The following LRRIQ3 variants were observed in gnomAD, a reference collection of about 807,000 sequenced individuals.
The protein encoded by LRRIQ3 is leucine-rich repeat and IQ domain-containing protein 3.
In LRRIQ3, 75 loss-of-function variants were observed where a neutral mutation model predicts 59.3. The ratio of observed to expected loss-of-function variants is 1.26; its 90% CI spans 1.05 to 1.53. The LOEUF (loss-of-function observed/expected upper bound fraction) is 1.53, where lower values mean the gene tolerates loss of function less well. Ranked by LOEUF, LRRIQ3 falls within the 40% of genes most tolerant of loss-of-function variation. The pLI is 0.00. For synonymous variants in LRRIQ3, 250 were observed against 231.3 expected (o/e 1.08, Z -0.73); for missense variants, 831 against 710.0 (o/e 1.17, Z -1.94).
At position 74,183,528 on chromosome 1, in the gene LRRIQ3, TAAGA is replaced by T. The variant is rs772455055; in HGVS notation, c.153_156del (p.Leu52GlufsTer20). ...AAATTGTTTGAGAAGATGCATACTCTAAGAGAGATGCAAGACTGCAAATTTTCCA... is the reference window on the plus strand; with the variant it reads ...AAATTGTTTGAGAAGATGCATACTCTGAGATGCAAGACTGCAAATTTTCCA... On this transcript the variant is annotated frameshift_variant, in exon 2 of 8. Coordinates refer to ENST00000354431, the MANE Select transcript of LRRIQ3 (RefSeq NM_001105659.2). LOFTEE classifies it high-confidence loss of function. 12 of 1,611,962 alleles carry T rather than the reference TAAGA, an allele frequency of 7.4e-6. No individual in the cohort carries two copies. In the South Asian group the frequency reaches 1.2e-4, roughly 16 times the overall value.
intron 5 of LRRIQ3, among the ~76,000 whole-genome samples, chr1:74,086,921 C>T (rs1334748436): frequency 6.6e-6 from 1 of 152,048 alleles, no homozygotes; most frequent in African/African-American, 2.4e-5. Context: ...ACTATCTTGT[C>T]ATCTGTAACA....
chr1:74,143,587 C>T (rs944793111), intron 4 of LRRIQ3, among the ~76,000 whole-genome samples: 1 of 151,692 alleles, frequency 6.6e-6, no homozygotes, highest in African/African-American at 2.4e-5. Context: ...ACTTGTGCTA[C>T]TGGTATCTTC....
At chr1:74,051,404 T>C (rs1383326505) in intron 6 of LRRIQ3, among the ~76,000 whole-genome samples, 1 of 152,170 alleles carries the variant, frequency 6.6e-6, no homozygotes, top group African/African-American at 2.4e-5. Flanking sequence ...ACGTCTCAAA[T>C]AGCCATACCT....
chr1:74,139,128 A>ATATATATATACATGTGTGTGTG (rs1647184937), intron 4 of LRRIQ3, among the ~76,000 whole-genome samples: 5 of 5,380 alleles, frequency 9.3e-4, no homozygotes, highest in African/African-American at 1.1e-3. Flanking sequence ...GTGTGTGTGT[A>ATATATATATACATGTGTGTGTG]TATATATATA....
intron 6 of LRRIQ3, among the ~76,000 whole-genome samples, chr1:74,055,300 G>C (rs1051623827): frequency 3.3e-5 from 5 of 150,866 alleles, no homozygotes; most frequent in African/African-American, 1.2e-4. Context: ...CCTAATTCAA[G>C]AACATTTTCA....
At chr1:74,122,781 T>A (rs12731216) in intron 4 of LRRIQ3, among the ~76,000 whole-genome samples, 45,904 of 151,998 alleles carry the variant, frequency 0.3, 7,704 homozygotes, top group Middle Eastern at 0.45. Context: ...AAGGACTTCA[T>A]GTCTAAAACA....
At chr1:74,163,428 T>C (rs1342408176) in intron 3 of LRRIQ3, among the ~76,000 whole-genome samples, 1 of 151,518 alleles carries the variant, frequency 6.6e-6, no homozygotes, top group Non-Finnish European at 1.5e-5. Flanking sequence ...ACCCAGGGCA[T>C]AGAACAAAAC....
At chr1:74,156,959 T>C (rs1648369204) in intron 3 of LRRIQ3, among the ~76,000 whole-genome samples, 1 of 152,002 alleles carries the variant, frequency 6.6e-6, no homozygotes, top group Non-Finnish European at 1.5e-5. Context: ...TCAACCCTAT[T>C]ACACTTAAAA....
At chr1:74,128,643 T>C (rs543563702) in intron 4 of LRRIQ3, among the ~76,000 whole-genome samples, 1 of 152,194 alleles carries the variant, frequency 6.6e-6, no homozygotes, top group Non-Finnish European at 1.5e-5. Context: ...TCCTGGATAG[T>C]CTTGATGCTT....
intron 4 of LRRIQ3, among the ~76,000 whole-genome samples, chr1:74,135,882 A>G (rs920485937): frequency 1.2e-4 from 18 of 151,964 alleles, no homozygotes; most frequent in African/African-American, 4.3e-4. Context: ...AGCAAGATTG[A>G]AGGAATAAAT....
chr1:74,054,404 T>C (rs4649995), intron 6 of LRRIQ3, among the ~76,000 whole-genome samples: 129,140 of 152,008 alleles, frequency 0.85, 55,747 homozygotes, highest in East Asian at 0.97. Context: ...ATAAGGAGTG[T>C]AGAAAGGATT....
chr1:74,196,548 A>C (rs1173337195), intron 1 of LRRIQ3, among the ~76,000 whole-genome samples: 1 of 152,080 alleles, frequency 6.6e-6, no homozygotes, highest in Non-Finnish European at 1.5e-5. Flanking sequence ...CTGCATACAC[A>C]TGTCTCTTTA....
At chr1:74,049,572 A>C (rs1654301242) in intron 6 of LRRIQ3, among the ~76,000 whole-genome samples, 1 of 152,164 alleles carries the variant, frequency 6.6e-6, no homozygotes, top group South Asian at 2.1e-4. Context: ...GATGAATGGT[A>C]GCATTTTGGC....
intron 7 of LRRIQ3, among the ~76,000 whole-genome samples, chr1:74,037,910 TCAA>T (rs1653920805): frequency 6.6e-6 from 1 of 152,122 alleles, no homozygotes; most frequent in African/African-American, 2.4e-5. Context: ...ATGCAGATTC[TCAA>T]CAGCCACTCA....
At chr1:74,170,610 C>G (rs1649265274) in intron 3 of LRRIQ3, among the ~76,000 whole-genome samples, 1 of 152,026 alleles carries the variant, frequency 6.6e-6, no homozygotes. Context: ...ATGCCTCCAG[C>G]TTTATTTGGT....
intron 7 of LRRIQ3, among the ~76,000 whole-genome samples, chr1:74,030,618 G>T (rs1410410264): frequency 3.3e-5 from 5 of 152,066 alleles, no homozygotes; most frequent in African/African-American, 4.8e-5. Context: ...ATTCAAGATG[G>T]ATTAAAGACT....
intron 4 of LRRIQ3, among the ~76,000 whole-genome samples, chr1:74,120,580 CTTTGA>C (rs1646840937): frequency 6.6e-6 from 1 of 151,876 alleles, no homozygotes; most frequent in Non-Finnish European, 1.5e-5. Context: ...CTACTAATCT[CTTTGA>C]TTTACCATTC....
At chr1:74,161,210 T>C (rs1648639681) in intron 3 of LRRIQ3, among the ~76,000 whole-genome samples, 1 of 151,974 alleles carries the variant, frequency 6.6e-6, no homozygotes, top group South Asian at 2.1e-4. Flanking sequence ...ACACGAATCC[T>C]ATTTATGAGG....
At chr1:74,057,808 T>C (rs1317352276) in intron 6 of LRRIQ3, among the ~76,000 whole-genome samples, 1 of 152,028 alleles carries the variant, frequency 6.6e-6, no homozygotes, top group African/African-American at 2.4e-5. Flanking sequence ...GGAGAACATA[T>C]TCACAAACTA....
Sources: allele counts gnomAD v4.1 joint callset (sites outside exome capture counted in the v4.1 genomes callset), GRCh38; gene constraint gnomAD v4.1.1; transcripts MANE v1.5; gene names NCBI Gene and HGNC (gene_info 2026-07-23, HGNC 2026-07-21).